The following TACC1 variants were observed in gnomAD, a reference collection of about 807,000 sequenced individuals.
TACC1 encodes transforming acidic coiled-coil containing protein 1, also known as transforming acidic coiled-coil-containing protein 1.
TACC1 carries 48 observed loss-of-function variants against 84.4 expected under a neutral mutation model. The observed-to-expected ratio is 0.57, with a 90% CI of 0.45 to 0.72. The LOEUF (loss-of-function observed/expected upper bound fraction) is 0.72, where lower values mean the gene tolerates loss of function less well. Ranked by LOEUF, TACC1 falls within the 30% of genes least tolerant of loss-of-function variation. The pLI is 0.00. For synonymous variants in TACC1, 372 were observed against 376.3 expected, an observed-to-expected ratio of 0.99 and a Z score of 0.13; for missense variants, 920 against 973.0, an observed-to-expected ratio of 0.95 and a Z score of 0.72.
chr8:38,815,304 C>T (rs1020819937), intron 2 of TACC1, among the ~76,000 whole-genome samples: 2 of 152,212 alleles, frequency 1.3e-5, no homozygotes, highest in African/African-American at 4.8e-5. Context: ...TTCCATATCA[C>T]CATTTTTAGA....
At chr8:38,746,780 A>G (rs1427095184) in intron 3 of TACC1, among the ~76,000 whole-genome samples, 2 of 152,208 alleles carry the variant, frequency 1.3e-5, no homozygotes, top group East Asian at 3.8e-4. Context: ...GAATTTTGTA[A>G]TTTATAAATC....
intron 2 of TACC1, among the ~76,000 whole-genome samples, chr8:38,806,089 A>G (rs1822628397): frequency 6.6e-6 from 1 of 152,174 alleles, no homozygotes; most frequent in East Asian, 1.9e-4. Context: ...ACTAATGAGG[A>G]CAGAGTAGAG....
At chr8:38,795,597 T>C (rs1480107804) in intron 2 of TACC1, among the ~76,000 whole-genome samples, 1 of 152,228 alleles carries the variant, frequency 6.6e-6, no homozygotes, top group Non-Finnish European at 1.5e-5. Flanking sequence ...TTACCAGTTA[T>C]ACTGCCCAGA....
intron 3 of TACC1, among the ~76,000 whole-genome samples, chr8:38,751,977 G>C (rs1057131791): frequency 6.6e-6 from 1 of 152,112 alleles, no homozygotes; most frequent in African/African-American, 2.4e-5. Context: ...GTGCTATGAG[G>C]CCCGAATGTG....
At chr8:38,817,746 T>C (rs2152184452) in intron 2 of TACC1, among the ~76,000 whole-genome samples, 1 of 151,978 alleles carries the variant, frequency 6.6e-6, no homozygotes, top group East Asian at 1.9e-4. Context: ...TACCCAATAA[T>C]AATCATAGAA....
intron 1 of TACC1, among the ~76,000 whole-genome samples, chr8:38,733,416 T>C (rs1265447731): frequency 1.3e-5 from 2 of 152,140 alleles, no homozygotes; most frequent in African/African-American, 4.8e-5. Flanking sequence ...GGGGGACTTT[T>C]AGGCTTCAGT....
At position 38,820,273 on chromosome 8, in the gene TACC1, G is replaced by A. The variant is rs763928344; in HGVS notation, c.1029G>A (p.Arg343=). The change falls in exon 3 of 13, where the codon AGG becomes AGA. Residue 343 remains arginine, a synonymous_variant. Transcript: ENST00000317827. The part of the protein sequence containing the change: ...ARKALPRKLG[R]KLGSTLTPKI... ...AAGCCCTTCCAAGGAAGCTTGGCAG[G>A]AAACTGGGTAGCACACTGACTCCCA... 6.2e-6 allele frequency: 10 copies of A among 1,614,124 alleles called. No individual in the cohort carries two copies. Among genetic ancestry groups the A allele is most frequent in the South Asian group, 1.1e-5 (1 of 91,074 alleles).
intron 1 of TACC1, among the ~76,000 whole-genome samples, chr8:38,731,272 T>A (rs756961888): frequency 1.3e-5 from 2 of 152,136 alleles, no homozygotes; most frequent in Non-Finnish European, 2.9e-5. Flanking sequence ...AGTGCCAGGC[T>A]CTGTAGCCAG....
chr8:38,780,428 T>A (rs1815707703), intron 3 of TACC1, among the ~76,000 whole-genome samples: 1 of 152,194 alleles, frequency 6.6e-6, no homozygotes, highest in African/African-American at 2.4e-5. Context: ...AGTGGCACGA[T>A]CTTGGCTCAC....
chr8:38,788,625 C>A, intron 1 of TACC1, 79 bp from the exon 2 acceptor site: 3 of 1,132,460 alleles, frequency 2.6e-6, no homozygotes, highest in Non-Finnish European at 3.9e-6. Context: ...GGACTTTTAG[C>A]CTCTGTGAAT....
chr8:38,794,160 A>C (rs775468205), intron 2 of TACC1, among the ~76,000 whole-genome samples: 1 of 152,210 alleles, frequency 6.6e-6, no homozygotes, highest in Non-Finnish European at 1.5e-5. Flanking sequence ...CAATTGACTC[A>C]AAGATCTAAG....
intron 1 of TACC1, among the ~76,000 whole-genome samples, chr8:38,730,034 G>A (rs576200374): frequency 5.5e-4 from 84 of 152,256 alleles, no homozygotes; most frequent in African/African-American, 1.9e-3. Context: ...TGACTTTTAT[G>A]TCGAGGTTCC....
At chr8:38,785,374 C>T (rs1024115762), upstream of TACC1, among the ~76,000 whole-genome samples, 9 of 152,178 alleles carry the variant, frequency 5.9e-5, no homozygotes, top group South Asian at 2.1e-4. Flanking sequence ...AGATTGACAA[C>T]GAGTTCTCTA....
intron 12 of TACC1, among the ~76,000 whole-genome samples, 189 bp downstream of exon 12, chr8:38,847,008 A>G (rs1482962696): frequency 1.3e-5 from 2 of 152,242 alleles, no homozygotes; most frequent in Admixed American, 6.5e-5. Context: ...CAAGCACATC[A>G]TGTGGAAATC....
At chr8:38,772,614 T>C (rs1813870607) in intron 3 of TACC1, among the ~76,000 whole-genome samples, 1 of 152,166 alleles carries the variant, frequency 6.6e-6, no homozygotes, top group African/African-American at 2.4e-5. Flanking sequence ...CTGCACATCC[T>C]GGTTTCCTCT....
At chr8:38,803,270 C>G (rs190657828) in intron 2 of TACC1, among the ~76,000 whole-genome samples, 1 of 152,278 alleles carries the variant, frequency 6.6e-6, no homozygotes, top group Non-Finnish European at 1.5e-5. Flanking sequence ...TCTTTTCTTG[C>G]CAGTTACCTT....
Position 38,827,579 on chromosome 8 carries a change from G to T in TACC1, c.1660+204G>T. 7 of 598,322 alleles carry T rather than the reference G, an allele frequency of 1.2e-5. No homozygotes were observed. In the South Asian group the frequency reaches 1.2e-4, roughly 10 times the overall value. 37.1% of individuals were successfully genotyped at this position (598,322 alleles called of 1,614,324 possible). ...GTACTAGGAACGTAGAGATACTTGTGACAAGTTGTATAGGAGATGCTGATG... is the reference window on the plus strand; with the variant it reads ...GTACTAGGAACGTAGAGATACTTGTTACAAGTTGTATAGGAGATGCTGATG... On this transcript the variant is annotated intron_variant, in intron 5 of 12. Coordinates refer to ENST00000317827, the MANE Select transcript of TACC1 (RefSeq NM_006283.3).
intron 8 of TACC1, chr8:38,839,337 T>G: frequency 2.5e-6 from 1 of 396,188 alleles, no homozygotes. Context: ...AAAGGAGAGT[T>G]ATGAGCCATG....
chr8:38,741,017 C>T (rs1314840457), intron 1 of TACC1, among the ~76,000 whole-genome samples: 1 of 152,136 alleles, frequency 6.6e-6, no homozygotes, highest in Non-Finnish European at 1.5e-5. Flanking sequence ...GACTTCTAAG[C>T]CAAAAGAACC....
Sources: gnomAD v4.1 joint callset for allele counts (sites outside exome capture counted in the v4.1 genomes callset) on GRCh38, gnomAD v4.1.1 for gene constraint, MANE v1.5 for transcripts, NCBI Gene and HGNC (gene_info 2026-07-23, HGNC 2026-07-21) for gene names.